CEP131: variants seen among roughly 807,000 people sequenced by gnomAD.
CEP131 encodes centrosomal protein 131.
A neutral mutation model predicts 136.8 loss-of-function variants in CEP131; 99 were observed. The ratio of observed to expected loss-of-function variants is 0.72; its 90% CI spans 0.62 to 0.86. CEP131 has a LOEUF of 0.86. Among genes scored for constraint, CEP131 ranks in the 40% least tolerant of loss-of-function variants. The pLI, the probability that CEP131 is intolerant of heterozygous loss-of-function variation, is 0.00. For synonymous variants in CEP131, 646 were observed against 612.7 expected (o/e 1.05, Z -0.80); for missense variants, 1,459 against 1,463.0 (o/e 1.00, Z 0.04).
At position 81,189,844 on chromosome 17, in the gene CEP131, C is replaced by G. The variant is rs1282675959; in HGVS notation, c.3169-1G>C. 42 of 1,612,278 alleles carry G rather than the reference C, an allele frequency of 2.6e-5. No individual in the cohort carries two copies. The highest frequency in any genetic ancestry group is 3.5e-5 in the Non-Finnish European group (41 of 1,179,710). The stretch of plus-strand genomic sequence containing the variant: ...GGTGGTCGGCCCGCTTCACCGCAGC[C>G]TGCAGCACACCCACAGGGTCAGGCC... On this transcript the variant is annotated splice_acceptor_variant, in intron 25 of 25. Coordinates refer to ENST00000450824, the MANE Select transcript of CEP131 (RefSeq NM_014984.4). LOFTEE classifies it high-confidence loss of function.
chr17:81,190,987 G>C lies in CEP131; in HGVS notation c.2863C>G (p.Leu955Val). 2.5e-6 allele frequency: 4 copies of C among 1,608,084 alleles called. No homozygotes were observed. Among genetic ancestry groups the C allele is most frequent in the Non-Finnish European group, 3.4e-6 (4 of 1,179,904 alleles). Residue 955 changes from leucine (L) to valine (V), a missense_variant, in exon 23 of 26, where the codon CTT becomes GTT. Leu to Val is a conservative substitution (Grantham distance 32, BLOSUM62 1). This residue lies in a region of CEP131 where 1,026 missense variants were observed against 964.2 expected (regional missense o/e 1.06). Transcript: ENST00000450824. ...AGATTCTCGCCCTCGGCCTCCCCAA[G>C]CTGGCCCTTCAGCTCCGAGCACCGC... ...QERCSELKGQ[L>V]GEAEGENLRL...
intron 2 of CEP131, among the ~76,000 whole-genome samples, chr17:81,217,596 C>T (rs1036612558): frequency 6.6e-6 from 1 of 152,132 alleles, no homozygotes; most frequent in African/African-American, 2.4e-5. Flanking sequence ...GGTTCCTCTT[C>T]CACCAGCAGT....
In CEP131 at chr17:81,199,841, AAAG is replaced by A; in HGVS notation, c.907-9_907-7del. ...CCTGACCGCTGCCGCTGCTCCTGCC[AAAG>A]AAGCCGGTGCCATGTGGCGTTTACA... On this transcript the variant is annotated splice_polypyrimidine_tract_variant and splice_region_variant and intron_variant, in intron 8 of 25. Coordinates refer to ENST00000450824, the MANE Select transcript of CEP131 (RefSeq NM_014984.4). The A allele has an allele frequency of 6.2e-7, 1 of 1,610,324 alleles. No individual in the cohort carries two copies. The highest frequency in any genetic ancestry group is 1.1e-5 in the South Asian group (1 of 91,080).
intron 15 of CEP131, 87 bp downstream of exon 15, chr17:81,196,614 C>T: frequency 6.7e-7 from 1 of 1,503,354 alleles, no homozygotes; most frequent in Non-Finnish European, 8.9e-7. Context: ...GAGGAAGAAG[C>T]TCCCTGGCAG....
Position 81,196,986 on chromosome 17 carries a change from G to A in CEP131, c.1717C>T (p.Leu573=). The change falls in exon 14 of 26, where the codon CTG becomes TTG. Residue 573 remains leucine, a synonymous_variant. Transcript: ENST00000450824. ...GSEVSTSVMR[L]KLEVEEKKQA... ...TTCTTCTCCTCCACCTCCAGCTTCA[G>A]CCGCATCACAGACGTGCTCACCTCG... The A allele has an allele frequency of 6.2e-7, 1 of 1,605,838 alleles. No individual in the cohort carries two copies. The highest frequency in any genetic ancestry group is 1.7e-4 in the Middle Eastern group (1 of 6,058).
intron 1 of CEP131, among the ~76,000 whole-genome samples, chr17:81,220,829 G>A (rs2062371042): frequency 6.6e-6 from 1 of 151,586 alleles, no homozygotes; most frequent in Non-Finnish European, 1.5e-5. Context: ...TTTTAAAAAG[G>A]GGTTGCGTGT....
chr17:81,202,100 C>CAAAAA, intron 7 of CEP131, 140 bp downstream of exon 7: 1 of 392,668 alleles, frequency 2.5e-6, no homozygotes, highest in Non-Finnish European at 3.6e-6. Flanking sequence ...GACTCTGTCT[C>CAAAAA]AAAAAAAAAA....
chr17:81,189,825 C>G lies in CEP131; in HGVS notation c.3187G>C (p.Asp1063His), dbSNP rs779679804. 1 of 1,611,760 alleles carries G rather than the reference C, an allele frequency of 6.2e-7. No homozygotes were observed. The highest frequency in any genetic ancestry group is 1.7e-5 in the Admixed American group (1 of 59,988). Residue 1063 changes from aspartate (D) to histidine (H), a missense_variant, in exon 26 of 26, where the codon GAC becomes CAC. Coordinates refer to ENST00000450824, the MANE Select transcript of CEP131 (RefSeq NM_014984.4). ...TQHEAAVKRA[D>H]HLEELLEQHR... The stretch of plus-strand genomic sequence containing the variant: ...TGCTCCAGCAGCTCCTCCAGGTGGT[C>G]GGCCCGCTTCACCGCAGCCTGCAGC...
rs2061865025 is a variant in CEP131 at position 81,200,406 on chromosome 17, GCTGGATGGTGACAGTGGCCTGGTTCAC to G, written c.802_828del (p.Val268_Gln276del). On this transcript the variant is annotated inframe_deletion, in exon 8 of 26. Coordinates refer to ENST00000450824, the MANE Select transcript of CEP131 (RefSeq NM_014984.4). The stretch of plus-strand genomic sequence containing the variant: ...CGCTGCACCTGGTGCCGGTACCAGC[GCTGGATGGTGACAGTGGCCTGGTTCAC>G]CTGGTGGATAAACCTGCCCGGAGAG... 3 of 1,559,488 alleles carry G rather than the reference GCTGGATGGTGACAGTGGCCTGGTTCAC, an allele frequency of 1.9e-6. No individual in the cohort carries two copies. The highest frequency in any genetic ancestry group is 2.6e-6 in the Non-Finnish European group (3 of 1,152,292).
Position 81,203,627 on chromosome 17 carries a change from A to G in CEP131, c.516-20T>C. 6.4e-7 allele frequency: 1 copy of G among 1,562,800 alleles called. No homozygotes were observed. Among genetic ancestry groups the G allele is most frequent in the Non-Finnish European group, 8.7e-7 (1 of 1,151,620 alleles). On this transcript the variant is annotated intron_variant, in intron 5 of 25. Transcript: ENST00000450824. This position sits in a 1 kb window ranked among gnomAD's most constrained non-coding sequence, Gnocchi z 4.6. ...TTGCTCCTGCCAGGCCGGAAGAGAG[A>G]CAGGAATGGTCAGGCCTCTGGAGGG...
rs1248051017 is a variant in CEP131, at chr17:81,189,809, A to T, written c.3203T>A (p.Leu1068Gln). Residue 1068 changes from leucine (L) to glutamine (Q), a missense_variant, in exon 26 of 26, where the codon CTG becomes CAG. Around this residue, in one of 3 missense-constraint regions of CEP131, gnomAD observed 1,026 missense variants for 964.2 expected, o/e 1.06. Coordinates refer to ENST00000450824, the MANE Select transcript of CEP131 (RefSeq NM_014984.4). ...CGTGGGCCTCCTGTGCTGCTCCAGCAGCTCCTCCAGGTGGTCGGCCCGCTT... is the reference window on the plus strand; with the variant it reads ...CGTGGGCCTCCTGTGCTGCTCCAGCTGCTCCTCCAGGTGGTCGGCCCGCTT... Reference protein sequence around the residue: ...AVKRADHLEELLEQHRRPTPS... With the variant: ...AVKRADHLEEQLEQHRRPTPS... 2 of 1,611,194 alleles carry T rather than the reference A, an allele frequency of 1.2e-6. No homozygotes were observed. The highest frequency in any genetic ancestry group is 2.7e-5 in the African/African-American group (2 of 74,990).
intron 5 of CEP131, among the ~76,000 whole-genome samples, chr17:81,205,038 A>T (rs1054677675): frequency 6.6e-6 from 1 of 152,104 alleles, no homozygotes; most frequent in Admixed American, 6.5e-5. Context: ...AGGCGGGTGG[A>T]TCACAAGGTT....
chr17:81,219,296 C>CTTTT lies in CEP131; in HGVS notation c.177+580_177+583dup, dbSNP rs11382761. Among the ~76,000 whole-genome samples, 5 of 131,432 alleles carry CTTTT rather than the reference C, an allele frequency of 3.8e-5. No homozygotes were observed. The highest frequency in any genetic ancestry group is 6.3e-5 in the Non-Finnish European group (4 of 63,738). The allele number at this position is 131,432 out of a possible 152,430, so 86.2% of individuals were successfully genotyped here. A position where few individuals can be genotyped will look rare whatever the true frequency, so the allele number is the denominator to read the frequency against. The stretch of plus-strand genomic sequence containing the variant: ...CCCCACAGGTCAACCCCATTTCTTT[C>CTTTT]TTTTTTTTTTTTTTTTGAGATGGCA... On this transcript the variant is annotated intron_variant, in intron 2 of 25. Coordinates refer to ENST00000450824, the MANE Select transcript of CEP131 (RefSeq NM_014984.4). This position sits in a 1 kb window ranked among gnomAD's most constrained non-coding sequence, Gnocchi z 4.0.
At chr17:81,205,076 T>C (rs1475034267) in intron 5 of CEP131, among the ~76,000 whole-genome samples, 1 of 151,692 alleles carries the variant, frequency 6.6e-6, no homozygotes, top group African/African-American at 2.4e-5. Flanking sequence ...CTGGCCAACA[T>C]AGCGAAACCC....
chr17:81,206,768 G>T lies in CEP131; in HGVS notation c.491C>A (p.Ala164Asp), dbSNP rs774241460. The part of the protein sequence containing the change: ...PRRKECTVAL[A>D]PNFTANNRSN... ...CCTGTTGTTAGCAGTGAAGTTGGGG[G>T]CCAGGGCCACGGTGCATTCTTTCCT... The change falls in exon 5 of 26, where the codon GCC becomes GAC. Residue 164 changes from alanine to aspartate, a missense_variant. Ala to Asp is a moderately radical substitution (Grantham distance 126, BLOSUM62 -2). Coordinates refer to ENST00000450824, the MANE Select transcript of CEP131 (RefSeq NM_014984.4). The T allele has an allele frequency of 3.1e-6, 5 of 1,613,962 alleles. No homozygotes were observed. The highest frequency in any genetic ancestry group is 3.4e-6 in the Non-Finnish European group (4 of 1,179,926).
chr17:81,204,768 C>T (rs143627316), intron 5 of CEP131, among the ~76,000 whole-genome samples: 277 of 150,740 alleles, frequency 1.8e-3, no homozygotes, highest in African/African-American at 6.3e-3. Context: ...ACACCTGCAC[C>T]GGACCGCACC....
At chr17:81,192,648 T>C in intron 19 of CEP131, 55 bp from the exon 20 acceptor site, 1 of 680,322 alleles carries the variant, frequency 1.5e-6, no homozygotes, top group Non-Finnish European at 2.1e-6. Flanking sequence ...GAGTCAGGGA[T>C]GGGAGAGGTC....
intron 2 of CEP131, among the ~76,000 whole-genome samples, chr17:81,210,412 AT>A (rs2062106524): frequency 6.6e-6 from 1 of 152,198 alleles, no homozygotes; most frequent in African/African-American, 2.4e-5. Flanking sequence ...TCTACTAAAA[AT>A]ACAAAAATTA....
Position 81,196,763 on chromosome 17 carries a change from G to T in CEP131, c.1837C>A (p.Leu613Met). 6.3e-7 allele frequency: 1 copy of T among 1,595,714 alleles called. No individual in the cohort carries two copies. Reference sequence around the variant, plus strand: ...TCGTAGTGCTCCCTCTGCCGCTGCAGCTGCCGGCTCAGCGCCTTCTCTGTC... The same window carrying T: ...TCGTAGTGCTCCCTCTGCCGCTGCATCTGCCGGCTCAGCGCCTTCTCTGTC... ...KETEKALSRQ[L>M]QRQREHYEAT... Residue 613 changes from leucine (L) to methionine (M), a missense_variant, in exon 15 of 26, where the codon CTG becomes ATG. Physicochemically the swap from Leu to Met is conservative, Grantham distance 15. This residue lies in a region of CEP131 where 1,026 missense variants were observed against 964.2 expected (regional missense o/e 1.06). Transcript: ENST00000450824.
Sources: allele counts gnomAD v4.1 joint callset (sites outside exome capture counted in the v4.1 genomes callset), GRCh38; gene constraint gnomAD v4.1.1; regional missense constraint gnomAD v4.1.1; non-coding constraint Gnocchi (gnomAD v3.1); transcripts MANE v1.5; gene names NCBI Gene and HGNC (gene_info 2026-07-23, HGNC 2026-07-21).